CFAP97: variants seen among roughly 807,000 people sequenced by gnomAD.
CFAP97 encodes cilia and flagella associated protein 97, also known as cilia- and flagella-associated protein 97.
CFAP97 carries 36 observed loss-of-function variants against 43.1 expected under a neutral mutation model. The observed-to-expected ratio is 0.84, with a 90% CI of 0.64 to 1.10. The LOEUF (loss-of-function observed/expected upper bound fraction) is 1.10. CFAP97 is among the 50% of genes least tolerant of loss of function. The pLI is 0.00. For missense variants in CFAP97, 657 were observed against 620.3 expected (o/e 1.06, Z -0.63); for synonymous variants, 228 against 225.7 (o/e 1.01, Z -0.09).
Position 185,190,818 on chromosome 4 carries a change from C to T in CFAP97, c.379G>A (p.Gly127Ser). 6.2e-7 allele frequency: 1 copy of T among 1,606,494 alleles called. No homozygotes were observed. The highest frequency in any genetic ancestry group is 8.5e-7 in the Non-Finnish European group (1 of 1,177,120). Residue 127 changes from glycine to serine, a missense_variant, in exon 2 of 5, where the codon GGT becomes AGT. Transcript: ENST00000458385. ...PNRIPKIVKE[G>S]EDDYYTDGEE... ...CCATCTGTGTAGTAATCATCTTCAC[C>T]TTCTTTTACAATTTTGGGAATTCTA... is the stretch of plus-strand genomic sequence containing the variant.
At chr4:185,167,896 G>C (rs540994284) in intron 3 of CFAP97, among the ~76,000 whole-genome samples, 5 of 151,634 alleles carry the variant, frequency 3.3e-5, no homozygotes, top group African/African-American at 1.2e-4. Context: ...CTACTCCGGA[G>C]GCTGAGGCAT....
chr4:185,166,750 T>C (rs1306266293), intron 3 of CFAP97, among the ~76,000 whole-genome samples: 1 of 152,150 alleles, frequency 6.6e-6, no homozygotes, highest in African/African-American at 2.4e-5. Context: ...ACACCATGTG[T>C]CCATCTGAGT....
At position 185,162,533 on chromosome 4, in the gene CFAP97, G is replaced by A; in HGVS notation, c.*265C>T. 2.5e-6 allele frequency: 1 copy of A among 403,108 alleles called. No homozygotes were observed. The highest frequency in any genetic ancestry group is 2.4e-5 in the South Asian group (1 of 41,656). 25.0% of individuals were successfully genotyped at this position (403,108 alleles called of 1,614,324 possible). On this transcript the variant is annotated 3_prime_UTR_variant, in exon 5 of 5. Coordinates refer to ENST00000458385, the MANE Select transcript of CFAP97 (RefSeq NM_020827.3). ...CTACTATTTTGACAGCATGACAACT[G>A]AATAATTAGAAGATACACATGCATA...
chr4:185,209,779 G>A (rs1052361097), upstream of CFAP97: 1,078 of 983,914 alleles, frequency 1.1e-3, no homozygotes, highest in Non-Finnish European at 1.3e-3. This position sits in a 1 kb window ranked among gnomAD's most constrained non-coding sequence, Gnocchi z 5.2. Context: ...GCCGGCGGGG[G>A]ACCGGGGGGC....
In CFAP97 at chr4:185,162,916, C is replaced by A; in HGVS notation, c.1481G>T (p.Arg494Met). ...LGQYSPLRAS[R>M]TSSATSGLSC... ...GAGACCACTCGTAGCACTGGATGTC[C>A]TGGAAGCTCCTGAAAATATAAAAAG... The change falls in exon 5 of 5, where the codon AGG becomes ATG. Residue 494 changes from arginine to methionine, a missense_variant. By Grantham distance (91) the Arg-to-Met change is moderately conservative. Coordinates refer to ENST00000458385, the MANE Select transcript of CFAP97 (RefSeq NM_020827.3). 1 of 1,561,128 alleles carries A rather than the reference C, an allele frequency of 6.4e-7. No homozygotes were observed. The highest frequency in any genetic ancestry group is 2.2e-5 in the Admixed American group (1 of 45,854).
At chr4:185,178,606 C>T (rs1371266280) in intron 2 of CFAP97, among the ~76,000 whole-genome samples, 2 of 152,078 alleles carry the variant, frequency 1.3e-5, no homozygotes, top group Non-Finnish European at 2.9e-5. Context: ...TGGAAATGTT[C>T]TCTATTTTAT....
chr4:185,184,531 T>A (rs1735933288), intron 2 of CFAP97, among the ~76,000 whole-genome samples: 1 of 152,052 alleles, frequency 6.6e-6, no homozygotes, highest in Non-Finnish European at 1.5e-5. Context: ...TGTCTGAAGG[T>A]GAACACTGAA....
At chr4:185,170,557 G>A (rs1735257705) in intron 3 of CFAP97, among the ~76,000 whole-genome samples, 1 of 151,652 alleles carries the variant, frequency 6.6e-6, no homozygotes. Flanking sequence ...GGGATTATAG[G>A]TGCCCACTAC....
Position 185,176,045 on chromosome 4 carries a change from A to G in CFAP97, c.1061T>C (p.Leu354Pro). The change falls in exon 3 of 5, where the codon CTG (leucine) becomes CCG (proline). Residue 354 changes from leucine to proline, a missense_variant. Leu to Pro is a moderately conservative substitution (Grantham distance 98). Transcript: ENST00000458385. Reference protein sequence around the residue: ...MDLNHLLKAFLQLDKKGPQKH... With the variant: ...MDLNHLLKAFPQLDKKGPQKH... ...TTGTGGTCCTTTTTTATCTAATTGCAGAAAAGCTACAGAAAAGAACAAAAA... is the reference window on the plus strand; with the variant it reads ...TTGTGGTCCTTTTTTATCTAATTGCGGAAAAGCTACAGAAAAGAACAAAAA... The G allele has an allele frequency of 6.3e-7, 1 of 1,587,284 alleles. No individual in the cohort carries two copies. The highest frequency in any genetic ancestry group is 8.5e-7 in the Non-Finnish European group (1 of 1,170,210).
chr4:185,167,792 C>T (rs1429546537), intron 3 of CFAP97, among the ~76,000 whole-genome samples: 4 of 151,276 alleles, frequency 2.6e-5, no homozygotes, highest in African/African-American at 4.9e-5. Context: ...GTAAGGAGTT[C>T]GAGACCAGCC....
intron 3 of CFAP97, among the ~76,000 whole-genome samples, chr4:185,173,826 C>G (rs747257412): frequency 6.6e-6 from 1 of 152,136 alleles, no homozygotes; most frequent in Non-Finnish European, 1.5e-5. Flanking sequence ...TTGTACAACA[C>G]TGTGGATATG....
rs1200819282 is a variant in CFAP97 at position 185,190,669 on chromosome 4, AGAG to A, written c.525_527del (p.Ser176del). 6.3e-7 allele frequency: 1 copy of A among 1,578,034 alleles called. No individual in the cohort carries two copies. Among genetic ancestry groups the A allele is most frequent in the Non-Finnish European group, 8.6e-7 (1 of 1,160,612 alleles). ...CTGAACCTGAAGATGAGGAAGATAA[AGAG>A]GAGGAGGAAGAGGAGCTAACTTTGC... On this transcript the variant is annotated inframe_deletion, in exon 2 of 5. Transcript: ENST00000458385.
chr4:185,181,279 A>AT (rs1174469726), intron 2 of CFAP97, among the ~76,000 whole-genome samples: 6 of 151,226 alleles, frequency 4.0e-5, no homozygotes, highest in East Asian at 1.9e-4. Context: ...AAAAATAAAA[A>AT]AAAATTAATT....
At position 185,190,801 on chromosome 4, in the gene CFAP97, G is replaced by T; in HGVS notation, c.396C>A (p.Tyr132Ter). The change falls in exon 2 of 5, where the codon TAC becomes TAA. Residue 132 changes from tyrosine (Y) to a stop codon, truncating the protein, a stop_gained. Coordinates refer to ENST00000458385, the MANE Select transcript of CFAP97 (RefSeq NM_020827.3). LOFTEE classifies it high-confidence loss of function. ...KIVKEGEDDY[Y>*]TDGEESSDDG... is the part of the protein sequence containing the mutation. Reference sequence around the variant, plus strand: ...CATCACTGCTTTCCTCTCCATCTGTGTAGTAATCATCTTCACCTTCTTTTA... The same window carrying T: ...CATCACTGCTTTCCTCTCCATCTGTTTAGTAATCATCTTCACCTTCTTTTA... 3 of 1,607,586 alleles carry T rather than the reference G, an allele frequency of 1.9e-6. No individual in the cohort carries two copies. Among genetic ancestry groups the T allele is most frequent in the Non-Finnish European group, 2.6e-6 (3 of 1,176,452 alleles).
At chr4:185,189,673 T>A (rs181658020) in intron 2 of CFAP97, among the ~76,000 whole-genome samples, 11 of 152,372 alleles carry the variant, frequency 7.2e-5, no homozygotes, top group African/African-American at 2.4e-4. Context: ...CTTTAGCCTT[T>A]AACTTAAAAG....
intron 1 of CFAP97, among the ~76,000 whole-genome samples, chr4:185,194,871 T>C (rs1291137088): frequency 6.6e-6 from 1 of 152,214 alleles, no homozygotes; most frequent in Non-Finnish European, 1.5e-5. Flanking sequence ...TCCATTACTG[T>C]TACCATAATA....
At chr4:185,192,620 GT>G (rs56979147) in intron 1 of CFAP97, among the ~76,000 whole-genome samples, 76,560 of 150,902 alleles carry the variant, frequency 0.51, 19,548 homozygotes, top group East Asian at 0.6. Flanking sequence ...TTAAAAAATG[GT>G]TTTTTTTATC....
At chr4:185,206,099 G>A (rs146025663), upstream of CFAP97, among the ~76,000 whole-genome samples, 3 of 152,256 alleles carry the variant, frequency 2.0e-5, no homozygotes, top group East Asian at 5.8e-4. Flanking sequence ...AAAATAGTAT[G>A]GCATGTTCTG....
chr4:185,200,504 G>A (rs1450926422), intron 1 of CFAP97, among the ~76,000 whole-genome samples: 3 of 152,166 alleles, frequency 2.0e-5, no homozygotes. Context: ...GCTAGGTGTG[G>A]TAGCACATGT....
Sources: gnomAD v4.1 joint callset for allele counts (sites outside exome capture counted in the v4.1 genomes callset) on GRCh38, gnomAD v4.1.1 for gene constraint, Gnocchi (gnomAD v3.1) non-coding constraint, MANE v1.5 for transcripts, NCBI Gene and HGNC (gene_info 2026-07-23, HGNC 2026-07-21) for gene names.